Variants in TNFSF4 observed in about 807,000 individuals in gnomAD.
The protein encoded by TNFSF4 is TNF superfamily member 4.
A neutral mutation model predicts 7.3 loss-of-function variants in TNFSF4; 4 were observed. The ratio of observed to expected loss-of-function variants is 0.55; its 90% CI spans 0.27 to 1.25. The LOEUF (loss-of-function observed/expected upper bound fraction) is 1.25. TNFSF4 is among the 50% of genes most tolerant of loss of function. TNFSF4 has a pLI of 0.12. For missense variants in TNFSF4, 181 were observed against 208.8 expected, an observed-to-expected ratio of 0.87 and a Z score of 0.82; for synonymous variants, 76 against 83.7, an observed-to-expected ratio of 0.91 and a Z score of 0.50.
At chr1:173,305,487 T>C in the TNFSF4 span, among the ~76,000 whole-genome samples, 300 of 151,986 alleles carry the variant, frequency 2.0e-3, 7 homozygotes, top group East Asian at 0.052. Context: ...CCACGTATAG[T>C]TGTTAGCCTG....
At chr1:173,351,263 T>C in the TNFSF4 span, among the ~76,000 whole-genome samples, 2 of 152,324 alleles carry the variant, frequency 1.3e-5, no homozygotes, top group South Asian at 2.1e-4. Flanking sequence ...CATTCTTAGC[T>C]GGTCTCTTCT....
chr1:173,202,389 T>C (rs1649984892), intron 1 of TNFSF4, among the ~76,000 whole-genome samples: 1 of 152,218 alleles, frequency 6.6e-6, no homozygotes, highest in African/African-American at 2.4e-5. Flanking sequence ...TTAGAAAATA[T>C]CATCACTCTG....
the TNFSF4 span, among the ~76,000 whole-genome samples, chr1:173,448,051 A>T: frequency 6.6e-6 from 1 of 152,226 alleles, no homozygotes; most frequent in African/African-American, 2.4e-5. Flanking sequence ...GCATAATGGG[A>T]TAAGGTTCAA....
At chr1:173,307,412 C>T in the TNFSF4 span, among the ~76,000 whole-genome samples, 6 of 151,598 alleles carry the variant, frequency 4.0e-5, no homozygotes, top group African/African-American at 7.3e-5. Context: ...GTGTCAATGT[C>T]GTGAATGACA....
At chr1:173,428,498 C>T in the TNFSF4 span, among the ~76,000 whole-genome samples, 2 of 152,106 alleles carry the variant, frequency 1.3e-5, no homozygotes, top group African/African-American at 2.4e-5. Context: ...GAAAAAGGAA[C>T]CAACTATAAT....
At chr1:173,427,953 C>CTTT in the TNFSF4 span, among the ~76,000 whole-genome samples, 1 of 133,592 alleles carries the variant, frequency 7.5e-6, no homozygotes, top group Admixed American at 7.6e-5. Flanking sequence ...CCATTATAAT[C>CTTT]TTTTTTTTTT....
At chr1:173,260,102 T>A in the TNFSF4 span, among the ~76,000 whole-genome samples, 52 of 151,946 alleles carry the variant, frequency 3.4e-4, no homozygotes, top group East Asian at 7.7e-3. Context: ...AAAGGACAGG[T>A]CACCTACAAA....
chr1:173,449,400 C>G, the TNFSF4 span, among the ~76,000 whole-genome samples: 2 of 150,762 alleles, frequency 1.3e-5, no homozygotes, highest in African/African-American at 4.9e-5. Flanking sequence ...ATTACCCAGG[C>G]TGGAGTGCAG....
the TNFSF4 span, among the ~76,000 whole-genome samples, chr1:173,331,073 C>T: frequency 2.6e-5 from 4 of 151,942 alleles, no homozygotes; most frequent in East Asian, 3.9e-4. Flanking sequence ...TTAGTGGAGA[C>T]GGGGTTTCAC....
chr1:173,358,989 C>A, the TNFSF4 span, among the ~76,000 whole-genome samples: 5 of 152,176 alleles, frequency 3.3e-5, no homozygotes, highest in African/African-American at 7.2e-5. Context: ...TTAAGCTGTA[C>A]ATTTACTATA....
upstream of TNFSF4, among the ~76,000 whole-genome samples, chr1:173,209,701 C>T (rs1169521072): frequency 6.6e-6 from 1 of 152,042 alleles, no homozygotes; most frequent in Non-Finnish European, 1.5e-5. Context: ...TAGAGACTCC[C>T]TATGTTTCCC....
chr1:173,195,449 AAAG>A (rs1213608020), intron 1 of TNFSF4, among the ~76,000 whole-genome samples: 1 of 152,220 alleles, frequency 6.6e-6, no homozygotes, highest in Non-Finnish European at 1.5e-5. Flanking sequence ...CAGGTGTAGC[AAAG>A]AAGAGTCAGA....
At chr1:173,420,852 C>T in the TNFSF4 span, among the ~76,000 whole-genome samples, 3 of 152,156 alleles carry the variant, frequency 2.0e-5, no homozygotes, top group Non-Finnish European at 4.4e-5. Flanking sequence ...TCATAATTTA[C>T]CTTCCCTTAA....
At chr1:173,315,935 C>G in the TNFSF4 span, among the ~76,000 whole-genome samples, 1 of 152,032 alleles carries the variant, frequency 6.6e-6, no homozygotes, top group Non-Finnish European at 1.5e-5. Flanking sequence ...CTTTTGCTGC[C>G]TGAGCTTTTG....
chr1:173,178,490 C>T, the TNFSF4 span, among the ~76,000 whole-genome samples: 2 of 152,210 alleles, frequency 1.3e-5, no homozygotes, highest in Non-Finnish European at 2.9e-5. Flanking sequence ...AGGAGAATGG[C>T]GGGAACCCGG....
At chr1:173,370,788 C>CCGCAG in the TNFSF4 span, among the ~76,000 whole-genome samples, 14,808 of 151,898 alleles carry the variant, frequency 0.097, 837 homozygotes, top group East Asian at 0.27. Context: ...CAGAGAAAGG[C>CCGCAG]CCTTAGTCAT....
chr1:173,406,103 T>C, the TNFSF4 span, among the ~76,000 whole-genome samples: 1 of 152,206 alleles, frequency 6.6e-6, no homozygotes, highest in Non-Finnish European at 1.5e-5. Flanking sequence ...TTCAAGGCTA[T>C]ATTCTTGTAG....
chr1:173,393,239 T>G, the TNFSF4 span, among the ~76,000 whole-genome samples: 324 of 152,346 alleles, frequency 2.1e-3, no homozygotes, highest in African/African-American at 6.4e-3. Flanking sequence ...CTGCCTTCTA[T>G]GTGTATCCCA....
At chr1:173,241,806 T>C in the TNFSF4 span, among the ~76,000 whole-genome samples, 1 of 152,232 alleles carries the variant, frequency 6.6e-6, no homozygotes, top group South Asian at 2.1e-4. Context: ...TTTGCTTGCT[T>C]GAATAATTTC....
Sources: allele counts gnomAD v4.1 joint callset (sites outside exome capture counted in the v4.1 genomes callset), GRCh38; gene constraint gnomAD v4.1.1; transcripts MANE v1.5; gene names NCBI Gene and HGNC (gene_info 2026-07-23, HGNC 2026-07-21).